MGMT: variants seen among roughly 807,000 people sequenced by gnomAD.
MGMT encodes the protein methylated-DNA--protein-cysteine methyltransferase.
MGMT carries 14 observed loss-of-function variants against 15.9 expected under a neutral mutation model. The ratio of observed to expected loss-of-function variants is 0.88; its 90% CI spans 0.58 to 1.37. The LOEUF is 1.37. Among genes scored for constraint, MGMT ranks in the 40% most tolerant of loss-of-function variants. MGMT has a pLI of 0.00. For synonymous variants in MGMT, 130 were observed against 118.2 expected (o/e 1.10, Z -0.65); for missense variants, 282 against 268.1 (o/e 1.05, Z -0.36).
intron 3 of MGMT, among the ~76,000 whole-genome samples, chr10:129,735,364 T>G (rs528159555): frequency 6.6e-6 from 1 of 152,180 alleles, no homozygotes; most frequent in African/African-American, 2.4e-5. Context: ...GTTTGTAGTA[T>G]TCTCTGATGG....
intron 2 of MGMT, among the ~76,000 whole-genome samples, chr10:129,573,118 G>T (rs1388205802): frequency 3.3e-5 from 5 of 151,956 alleles, no homozygotes; most frequent in African/African-American, 1.2e-4. Flanking sequence ...TTCATTGATT[G>T]TTTGGGGTTC....
intron 3 of MGMT, among the ~76,000 whole-genome samples, chr10:129,732,435 T>C (rs1433347322): frequency 6.6e-6 from 1 of 151,120 alleles, no homozygotes; most frequent in Non-Finnish European, 1.5e-5. Context: ...ATAGTTTGCT[T>C]AGAATGATGG....
intron 3 of MGMT, among the ~76,000 whole-genome samples, chr10:129,710,036 C>T (rs1240874934): frequency 6.6e-6 from 1 of 152,218 alleles, no homozygotes; most frequent in African/African-American, 2.4e-5. Flanking sequence ...CGAGGACAGG[C>T]GGGCCCCTGG....
At chr10:129,707,752 T>G in intron 2 of MGMT, 143 bp from the exon 3 acceptor site, 1 of 1,137,398 alleles carries the variant, frequency 8.8e-7, no homozygotes, top group Non-Finnish European at 1.3e-6. Context: ...CAGTCCCCCT[T>G]TCTGCTGCAC....
At chr10:129,676,543 C>G (rs1847788186) in intron 2 of MGMT, among the ~76,000 whole-genome samples, 1 of 152,182 alleles carries the variant, frequency 6.6e-6, no homozygotes. Context: ...GACGTGTTTG[C>G]AGGGGTTGGG....
At chr10:129,484,958 A>AT (rs1845394133) in intron 1 of MGMT, among the ~76,000 whole-genome samples, 1 of 151,758 alleles carries the variant, frequency 6.6e-6, no homozygotes, top group African/African-American at 2.4e-5. Context: ...TATTTTATAT[A>AT]TGTGTGTATT....
intron 2 of MGMT, among the ~76,000 whole-genome samples, chr10:129,681,774 TC>T (rs1266429318): frequency 1.3e-5 from 2 of 152,166 alleles, no homozygotes; most frequent in Non-Finnish European, 2.9e-5. Context: ...GATTTTTGTA[TC>T]CATGAAATCC....
chr10:129,566,246 C>T lies in MGMT; in HGVS notation c.125+29869C>T, dbSNP rs530246972. On this transcript the variant is annotated intron_variant, in intron 2 of 4. Transcript: ENST00000651593. This position sits in a 1 kb window ranked among gnomAD's most constrained non-coding sequence, Gnocchi z 4.1. Reference sequence around the variant, plus strand: ...CTTGGCTGTCTAGGTGCCAGGGGCTCGGGACACAGAGCTCCTGGAGGCCGA... The same window carrying T: ...CTTGGCTGTCTAGGTGCCAGGGGCTTGGGACACAGAGCTCCTGGAGGCCGA... 1.2e-4 allele frequency among the ~76,000 whole-genome samples: 19 copies of T among 152,266 alleles called. No homozygotes were observed. In the South Asian group the frequency reaches 1.7e-3, roughly 13 times the overall value.
chr10:129,670,603 A>G (rs1254095942), intron 2 of MGMT, among the ~76,000 whole-genome samples: 2 of 152,232 alleles, frequency 1.3e-5, no homozygotes, highest in East Asian at 3.8e-4. Flanking sequence ...AGACATCAAT[A>G]AAAATGATAA....
chr10:129,632,712 A>C (rs182358762), intron 2 of MGMT, among the ~76,000 whole-genome samples: 22 of 152,130 alleles, frequency 1.4e-4, no homozygotes, highest in Admixed American at 5.9e-4. Flanking sequence ...TGGGGGAGAG[A>C]GGGAGGGTTG....
chr10:129,688,642 C>T lies in MGMT; in HGVS notation c.126-19253C>T, dbSNP rs113660424. ...AAAAATTTTCTCCCATTCTGTAGGT[C>T]GCCTGTTCCCTCTGATGGTAGTTTA... On this transcript the variant is annotated intron_variant, in intron 2 of 4. Coordinates refer to ENST00000651593, the MANE Select transcript of MGMT (RefSeq NM_002412.5). 7.0e-3 allele frequency among the ~76,000 whole-genome samples: 1,069 copies of T among 152,182 alleles called. 18 individuals carry two copies. Among genetic ancestry groups the T allele is most frequent in the African/African-American group, 0.024 (976 of 41,512 alleles).
intron 2 of MGMT, among the ~76,000 whole-genome samples, chr10:129,631,625 C>G (rs1271651767): frequency 1.3e-5 from 2 of 152,124 alleles, no homozygotes; most frequent in African/African-American, 2.4e-5. Context: ...GAGTTCAGGA[C>G]CAGCCTGGGC....
At position 129,512,815 on chromosome 10, in the gene MGMT, G is replaced by A. The variant is rs77801198; in HGVS notation, c.-12-23426G>A. On this transcript the variant is annotated intron_variant, in intron 1 of 4. Transcript: ENST00000651593. ...GTGTTGCTGGTGGGAATGTGAAATGGAGCAGCTGCTGTGGGACACTTCTGG... is the reference window on the plus strand; with the variant it reads ...GTGTTGCTGGTGGGAATGTGAAATGAAGCAGCTGCTGTGGGACACTTCTGG... Among the ~76,000 whole-genome samples the A allele has an allele frequency of 6.5e-3, 991 of 152,284 alleles. 17 individuals are homozygous for A. Among genetic ancestry groups the A allele is most frequent in the African/African-American group, 0.022 (930 of 41,536 alleles).
intron 1 of MGMT, among the ~76,000 whole-genome samples, chr10:129,487,980 TACACAC>T (rs113664356): frequency 4.4e-5 from 6 of 136,204 alleles, no homozygotes; most frequent in Non-Finnish European, 7.8e-5. Context: ...TACGCAGGTA[TACACAC>T]ACACACACAC....
rs374274538 is a variant in MGMT at position 129,729,414 on chromosome 10, C to T, written c.274+21371C>T. On this transcript the variant is annotated intron_variant, in intron 3 of 4. Coordinates refer to ENST00000651593, the MANE Select transcript of MGMT (RefSeq NM_002412.5). The stretch of plus-strand genomic sequence containing the variant: ...CCCTGTCCCACTCCCCTGCCGGCAC[C>T]TGCGTGTCCCTGTCCTGCCGAGCTG... Among the ~76,000 whole-genome samples the T allele has an allele frequency of 1.1e-4, 16 of 152,296 alleles. No homozygotes were observed. The East Asian group carries it at 1.2e-3, about 11-fold the overall frequency.
intron 2 of MGMT, among the ~76,000 whole-genome samples, chr10:129,578,010 A>G (rs962406339): frequency 2.0e-4 from 31 of 152,192 alleles, no homozygotes; most frequent in Admixed American, 3.3e-4. Flanking sequence ...TTAGAATGGC[A>G]ATCATTAAAA....
At chr10:129,572,001 T>C (rs1408143129) in intron 2 of MGMT, among the ~76,000 whole-genome samples, 2 of 152,204 alleles carry the variant, frequency 1.3e-5, no homozygotes, top group African/African-American at 4.8e-5. Flanking sequence ...CGTGGAAGCA[T>C]CTTGCATGTG....
chr10:129,559,708 A>C lies in MGMT; in HGVS notation c.125+23331A>C, dbSNP rs142453990. 3.3e-5 allele frequency among the ~76,000 whole-genome samples: 5 copies of C among 152,326 alleles called. No individual in the cohort carries two copies. In the East Asian group the frequency reaches 9.6e-4, roughly 29 times the overall value. On this transcript the variant is annotated intron_variant, in intron 2 of 4. Coordinates refer to ENST00000651593, the MANE Select transcript of MGMT (RefSeq NM_002412.5). The stretch of plus-strand genomic sequence containing the variant: ...TCTTAGTCATCAGGAATGTTTCAGA[A>C]AACTGAATAAGAGTAAAGTTTTTTA...
rs1477137036 is a variant in MGMT at position 129,646,737 on chromosome 10, TATATATATA to T, written c.126-61157_126-61149del. ...CATCAGAAATATATATATATATATA[TATATATATA>T]TATATATATTTTCAGGGAATGGTAG... On this transcript the variant is annotated intron_variant, in intron 2 of 4. Transcript: ENST00000651593. 1.9e-3 allele frequency among the ~76,000 whole-genome samples: 202 copies of T among 105,178 alleles called. 12 individuals carry two copies. The highest frequency in any genetic ancestry group is 4.7e-3 in the Middle Eastern group (1 of 212). The allele number at this position is 105,178 out of a possible 152,430, so 69.0% of individuals were successfully genotyped here.
Sources: gnomAD v4.1 joint callset for allele counts (sites outside exome capture counted in the v4.1 genomes callset) on GRCh38, gnomAD v4.1.1 for gene constraint, Gnocchi (gnomAD v3.1) non-coding constraint, MANE v1.5 for transcripts, NCBI Gene and HGNC (gene_info 2026-07-23, HGNC 2026-07-21) for gene names.